Variants in LUZP2 observed in about 807,000 individuals in gnomAD.
LUZP2 encodes leucine zipper protein 2.
LUZP2 carries 52 observed loss-of-function variants against 51.6 expected under a neutral mutation model. The observed-to-expected ratio is 1.01, with a 90% confidence interval of 0.81 to 1.27. The LOEUF (loss-of-function observed/expected upper bound fraction) is 1.27, where lower values mean the gene tolerates loss of function less well. Among genes scored for constraint, LUZP2 ranks in the 50% most tolerant of loss-of-function variants. LUZP2 has a pLI of 0.00. For missense variants in LUZP2, 436 were observed against 395.4 expected, an observed-to-expected ratio of 1.10 and a Z score of -0.87; for synonymous variants, 154 against 137.3, an observed-to-expected ratio of 1.12 and a Z score of -0.85.
intron 9 of LUZP2, among the ~76,000 whole-genome samples, chr11:24,991,734 A>AT (rs1856352786): frequency 6.6e-6 from 1 of 151,836 alleles, no homozygotes; most frequent in Non-Finnish European, 1.5e-5. Context: ...AACATCTATT[A>AT]TTTTTTGATT....
rs549703549 is a variant in LUZP2 at position 24,680,565 on chromosome 11, A to C, written c.63-48604A>C. 2.0e-5 allele frequency among the ~76,000 whole-genome samples: 3 copies of C among 152,298 alleles called. No homozygotes were observed. The South Asian group carries it at 6.2e-4, about 32-fold the overall frequency. On this transcript the variant is annotated intron_variant, in intron 1 of 11. Transcript: ENST00000336930. ...TACAGGGAATGAGAGAAAGATCTTC[A>C]GTTCCTCTATTTTCTGTCTGCAGAA...
At chr11:24,696,080 C>T (rs985618207) in intron 1 of LUZP2, among the ~76,000 whole-genome samples, 2 of 152,128 alleles carry the variant, frequency 1.3e-5, no homozygotes, top group Non-Finnish European at 2.9e-5. Context: ...AGACCTTGCA[C>T]ACAAGGCTTA....
intron 1 of LUZP2, among the ~76,000 whole-genome samples, chr11:24,530,103 G>A (rs184454873): frequency 2.7e-4 from 40 of 150,670 alleles, no homozygotes; most frequent in African/African-American, 9.2e-4. Context: ...CCATTTTCTG[G>A]TTGCAAATTT....
chr11:24,601,250 C>A (rs1228391291), intron 1 of LUZP2, among the ~76,000 whole-genome samples: 1 of 151,992 alleles, frequency 6.6e-6, no homozygotes, highest in Non-Finnish European at 1.5e-5. Flanking sequence ...GAAATATATC[C>A]TTCTCAAACT....
At chr11:25,070,484 G>T (rs762841374) in intron 10 of LUZP2, among the ~76,000 whole-genome samples, 44 of 151,710 alleles carry the variant, frequency 2.9e-4, no homozygotes, top group Non-Finnish European at 4.9e-4. Context: ...CTGATCATAG[G>T]AGTTATATTT....
At chr11:24,713,703 T>TTTTG (rs1857930701) in intron 1 of LUZP2, among the ~76,000 whole-genome samples, 1 of 148,390 alleles carries the variant, frequency 6.7e-6, no homozygotes, top group Non-Finnish European at 1.5e-5. Context: ...TTTTTTTTTT[T>TTTTG]TCTGAGATGG....
chr11:24,754,254 G>A (rs533640824), intron 4 of LUZP2, among the ~76,000 whole-genome samples: 169 of 152,198 alleles, frequency 1.1e-3, no homozygotes, highest in African/African-American at 4.0e-3. Flanking sequence ...ACCTTGGCCA[G>A]CCAAAGTCCT....
At chr11:24,992,872 T>A (rs1856390163) in intron 9 of LUZP2, among the ~76,000 whole-genome samples, 1 of 152,168 alleles carries the variant, frequency 6.6e-6, no homozygotes, top group South Asian at 2.1e-4. Context: ...TTAATTTAAG[T>A]ATACATAATG....
At chr11:24,990,140 T>A (rs957214321) in intron 9 of LUZP2, among the ~76,000 whole-genome samples, 2 of 152,004 alleles carry the variant, frequency 1.3e-5, no homozygotes, top group African/African-American at 4.8e-5. Context: ...AGATTGTTCA[T>A]CTCCCCTAAA....
At chr11:24,752,722 T>TA (rs1859638132) in intron 4 of LUZP2, among the ~76,000 whole-genome samples, 1 of 151,822 alleles carries the variant, frequency 6.6e-6, no homozygotes, top group South Asian at 2.1e-4. Flanking sequence ...TTTACTCTGT[T>TA]AAAAAAATAA....
chr11:24,789,579 C>T lies in LUZP2; in HGVS notation c.396+26271C>T, dbSNP rs918745896. ...CTAGCCACATCTACCAATCTATCAG[C>T]ATTGCTACCTGTCTTAGTCTATTCA... On this transcript the variant is annotated intron_variant, in intron 5 of 11. Transcript: ENST00000336930. Among the ~76,000 whole-genome samples the T allele has an allele frequency of 2.0e-5, 3 of 152,280 alleles. No individual in the cohort carries two copies. The South Asian group carries it at 6.2e-4, about 32-fold the overall frequency.
intron 1 of LUZP2, among the ~76,000 whole-genome samples, chr11:24,669,053 C>G (rs1425757404): frequency 6.6e-6 from 1 of 152,098 alleles, no homozygotes; most frequent in Admixed American, 6.6e-5. Flanking sequence ...TAACCTGCTA[C>G]TAGGCAGGCA....
intron 5 of LUZP2, among the ~76,000 whole-genome samples, chr11:24,794,412 A>G (rs1372403266): frequency 2.0e-5 from 3 of 152,102 alleles, no homozygotes; most frequent in Non-Finnish European, 4.4e-5. Context: ...CCTAATCCTG[A>G]TGGTGTCCAA....
chr11:24,524,239 A>G (rs965903835), intron 1 of LUZP2, among the ~76,000 whole-genome samples: 2 of 151,924 alleles, frequency 1.3e-5, no homozygotes, highest in Admixed American at 6.6e-5. Context: ...TTGCCTACAC[A>G]TTGTAATTCA....
Position 24,609,729 on chromosome 11 carries a change from C to CAAAAA in LUZP2, c.62+112449_62+112453dup, listed in dbSNP as rs34436907. 7.1e-4 allele frequency among the ~76,000 whole-genome samples: 47 copies of CAAAAA among 65,912 alleles called. 4 individuals carry two copies. The highest frequency in any genetic ancestry group is 3.3e-3 in the African/African-American group (45 of 13,762). The allele number at this position is 65,912 out of a possible 152,430, so 43.2% of individuals were successfully genotyped here. A position where few individuals can be genotyped will look rare whatever the true frequency, so the allele number is the denominator to read the frequency against. On this transcript the variant is annotated intron_variant, in intron 1 of 11. Coordinates refer to ENST00000336930, the MANE Select transcript of LUZP2 (RefSeq NM_001009909.4). ...TGGATGATAGAGCAAGACTCCAGCT[C>CAAAAA]AAAAAAAAAAAAAAAAAAAAAAAAA...
chr11:24,675,265 C>T (rs1046435496), intron 1 of LUZP2, among the ~76,000 whole-genome samples: 3 of 152,164 alleles, frequency 2.0e-5, no homozygotes, highest in African/African-American at 7.2e-5. Flanking sequence ...CAGAATCAAA[C>T]ACATTTGGCA....
intron 10 of LUZP2, among the ~76,000 whole-genome samples, chr11:25,071,557 C>T (rs538563823): frequency 7.3e-5 from 11 of 151,710 alleles, no homozygotes; most frequent in Non-Finnish European, 1.5e-4. Flanking sequence ...CTACAAATTG[C>T]TTTCTATTTG....
At chr11:24,628,654 G>T (rs1031316754) in intron 1 of LUZP2, among the ~76,000 whole-genome samples, 12 of 152,064 alleles carry the variant, frequency 7.9e-5, no homozygotes, top group African/African-American at 2.9e-4. Context: ...CACCTCCCAG[G>T]TTCAGGCGAT....
At chr11:24,655,149 T>A (rs1222747488) in intron 1 of LUZP2, among the ~76,000 whole-genome samples, 4 of 152,196 alleles carry the variant, frequency 2.6e-5, no homozygotes, top group African/African-American at 9.6e-5. Context: ...CATTGAAACA[T>A]CTTTGTTTCT....
Sources: gnomAD v4.1 joint callset for allele counts (sites outside exome capture counted in the v4.1 genomes callset) on GRCh38, gnomAD v4.1.1 for gene constraint, MANE v1.5 for transcripts, NCBI Gene and HGNC (gene_info 2026-07-23, HGNC 2026-07-21) for gene names.